The following ITPKB variants were observed in gnomAD, a reference collection of about 807,000 sequenced individuals.
The protein encoded by ITPKB is inositol-trisphosphate 3-kinase B.
ITPKB carries 13 observed loss-of-function variants against 69.4 expected under a neutral mutation model. The ratio of observed to expected loss-of-function variants is 0.19; its 90% CI spans 0.12 to 0.30. The LOEUF (loss-of-function observed/expected upper bound fraction) is 0.30, where lower values mean the gene tolerates loss of function less well. Among genes scored for constraint, ITPKB ranks in the 10% least tolerant of loss-of-function variants. The probability of loss-of-function intolerance (pLI) is 1.00; values close to 1 mark genes in which losing one functional copy is unlikely to be tolerated. For missense variants in ITPKB, 1,240 were observed against 1,250.5 expected (o/e 0.99, Z 0.13); for synonymous variants, 584 against 513.7 (o/e 1.14, Z -1.85).
rs1363843774 is a variant in ITPKB, at chr1:226,634,435, CTG to C, written c.*234_*235del. 1.9e-6 allele frequency: 1 copy of C among 536,246 alleles called. No homozygotes were observed. Among genetic ancestry groups the C allele is most frequent in the African/African-American group, 1.9e-5 (1 of 52,478 alleles). 33.2% of individuals were successfully genotyped at this position (536,246 alleles called of 1,614,324 possible). A position where few individuals can be genotyped will look rare whatever the true frequency, so the allele number is the denominator to read the frequency against. The stretch of plus-strand genomic sequence containing the variant: ...CTCTACACCTGACCCACCTCTAAGA[CTG>C]GGCATTTCTCTTCTAGTAGGTGACC... On this transcript the variant is annotated 3_prime_UTR_variant, in exon 8 of 8. Coordinates refer to ENST00000429204, the MANE Select transcript of ITPKB (RefSeq NM_002221.4). This position sits in a 1 kb window ranked among gnomAD's most constrained non-coding sequence, Gnocchi z 6.3.
At chr1:226,661,015 A>C (rs1482540277) in intron 2 of ITPKB, among the ~76,000 whole-genome samples, 1 of 152,218 alleles carries the variant, frequency 6.6e-6, no homozygotes, top group African/African-American at 2.4e-5. Flanking sequence ...GAGGGTGGAA[A>C]TTTACCAAAG....
chr1:226,663,705 G>C (rs1180049139), intron 2 of ITPKB, among the ~76,000 whole-genome samples: 1 of 152,106 alleles, frequency 6.6e-6, no homozygotes, highest in East Asian at 1.9e-4. Flanking sequence ...TTTTTTGGTA[G>C]AGATGGGGTT....
chr1:226,702,392 C>G (rs943931940), intron 2 of ITPKB, among the ~76,000 whole-genome samples: 5 of 149,332 alleles, frequency 3.3e-5, no homozygotes, highest in African/African-American at 1.3e-4. Flanking sequence ...AGTGAGACTC[C>G]CTCTCGGAAA....
At position 226,736,362 on chromosome 1, in the gene ITPKB, C is replaced by T. The variant is rs1431187066; in HGVS notation, c.1097G>A (p.Gly366Glu). 1 of 1,612,536 alleles carries T rather than the reference C, an allele frequency of 6.2e-7. No homozygotes were observed. ...TTTCCCCATCTTCCCAGGGGGTTCT[C>T]CATCGCGGGGCCCGCCCCTTTCTGG... ...PAPERGGPRD[G>E]EPPGKMGKGY... Residue 366 changes from glycine (G) to glutamate (E), a missense_variant, in exon 2 of 8, where the codon GGA becomes GAA. Physicochemically the swap from Gly to Glu is moderately conservative, Grantham distance 98 (BLOSUM62 -2). Around this residue, in one of 2 missense-constraint regions of ITPKB, gnomAD observed 992 missense variants for 853.8 expected, o/e 1.16. Transcript: ENST00000429204.
In ITPKB at chr1:226,736,890, A is replaced by G. The variant is rs755259174; in HGVS notation, c.569T>C (p.Val190Ala). 1 of 1,610,352 alleles carries G rather than the reference A, an allele frequency of 6.2e-7. No individual in the cohort carries two copies. The highest frequency in any genetic ancestry group is 8.5e-7 in the Non-Finnish European group (1 of 1,179,948). ...FRSSSQPPGR[V>A]LVQGARSEER... is the part of the protein sequence containing the mutation. Reference sequence around the variant, plus strand: ...CTCGCTCCGGGCGCCCTGAACCAGGACCCTTCCAGGGGGCTGACTGCTGCT... The same window carrying G: ...CTCGCTCCGGGCGCCCTGAACCAGGGCCCTTCCAGGGGGCTGACTGCTGCT... Residue 190 changes from valine to alanine, a missense_variant, in exon 2 of 8, where the codon GTC (valine) becomes GCC (alanine). Val to Ala is a moderately conservative substitution (Grantham distance 64). Around this residue, in one of 2 missense-constraint regions of ITPKB, gnomAD observed 992 missense variants for 853.8 expected, o/e 1.16. Transcript: ENST00000429204.
At position 226,738,512 on chromosome 1, in the gene ITPKB, G is replaced by A. The variant is rs1657887728; in HGVS notation, c.-206+529C>T. On this transcript the variant is annotated intron_variant, in intron 1 of 7. Coordinates refer to ENST00000429204, the MANE Select transcript of ITPKB (RefSeq NM_002221.4). This position sits in a 1 kb window ranked among gnomAD's most constrained non-coding sequence, Gnocchi z 4.2. The stretch of plus-strand genomic sequence containing the variant: ...TGTGTATACGCCGCACGCGCGCGGA[G>A]CGAGTCCGCTCTCAGCGCGCCCTGT... Among the ~76,000 whole-genome samples the A allele has an allele frequency of 1.3e-5, 2 of 152,204 alleles. No homozygotes were observed. Among genetic ancestry groups the A allele is most frequent in the South Asian group, 2.1e-4 (1 of 4,836 alleles).
intron 2 of ITPKB, among the ~76,000 whole-genome samples, chr1:226,678,267 T>C (rs912785828): frequency 7.2e-5 from 11 of 152,218 alleles, no homozygotes; most frequent in Middle Eastern, 3.2e-3. Flanking sequence ...ATATGATAAA[T>C]GTGGCCTATG....
rs541675872 is a variant in ITPKB at position 226,735,948 on chromosome 1, C to A, written c.1511G>T (p.Gly504Val). 1.9e-6 allele frequency: 3 copies of A among 1,614,048 alleles called. No individual in the cohort carries two copies. In the South Asian group the frequency reaches 3.3e-5, roughly 18 times the overall value. The change falls in exon 2 of 8, where the codon GGG becomes GTG. Residue 504 changes from glycine to valine, a missense_variant. This residue lies in a region of ITPKB where 992 missense variants were observed against 853.8 expected (regional missense o/e 1.16). Transcript: ENST00000429204. ...GGTGCCCTGCCAAACCCTGGAGTTC[C>A]CAGGCTGCACACCCACCCTGTCCCC... ...PPGDRVGVQP[G>V]NSRVWQGTME... is the part of the protein sequence containing the mutation.
At chr1:226,671,423 C>T (rs1385408331) in intron 2 of ITPKB, among the ~76,000 whole-genome samples, 3 of 152,222 alleles carry the variant, frequency 2.0e-5, no homozygotes, top group Non-Finnish European at 4.4e-5. Flanking sequence ...AATGCTGTTG[C>T]TAATGGATTC....
chr1:226,649,414 T>A (rs1669131178), intron 2 of ITPKB, among the ~76,000 whole-genome samples: 1 of 129,710 alleles, frequency 7.7e-6, no homozygotes, highest in Non-Finnish European at 1.7e-5. Context: ...GCATGTGTGA[T>A]ATGTGCATGA....
intron 2 of ITPKB, among the ~76,000 whole-genome samples, chr1:226,727,326 T>C (rs1165090372): frequency 6.6e-5 from 10 of 152,154 alleles, no homozygotes; most frequent in Non-Finnish European, 1.5e-5. Context: ...ACAAATTGAG[T>C]TGAGCCCGGA....
chr1:226,677,777 C>T (rs1008546805), intron 2 of ITPKB, among the ~76,000 whole-genome samples: 1 of 152,244 alleles, frequency 6.6e-6, no homozygotes, highest in Admixed American at 6.5e-5. Context: ...ATGACTACCA[C>T]TGAAAGAGCA....
rs1397988914 is a variant in ITPKB, at chr1:226,631,893, A to C, written c.*2778T>G. 6.6e-6 allele frequency: 1 copy of C among 152,266 alleles called. No individual in the cohort carries two copies. Among genetic ancestry groups the C allele is most frequent in the East Asian group, 1.9e-4 (1 of 5,172 alleles). The allele number at this position is 152,266 out of a possible 1,614,324, so 9.4% of individuals were successfully genotyped here. A position where few individuals can be genotyped will look rare whatever the true frequency, so the allele number is the denominator to read the frequency against. The stretch of plus-strand genomic sequence containing the variant: ...CCACCCCAGAGCCAGGGGCTGGGTT[A>C]TATACACATGGGGTGGACAGATGCA... On this transcript the variant is annotated 3_prime_UTR_variant, in exon 8 of 8. Coordinates refer to ENST00000429204, the MANE Select transcript of ITPKB (RefSeq NM_002221.4).
intron 2 of ITPKB, among the ~76,000 whole-genome samples, chr1:226,714,433 C>T (rs999067338): frequency 6.6e-6 from 1 of 152,204 alleles, no homozygotes; most frequent in Non-Finnish European, 1.5e-5. Flanking sequence ...CTGACTAACA[C>T]AACACCTTTG....
intron 2 of ITPKB, among the ~76,000 whole-genome samples, chr1:226,692,150 A>G (rs1656372839): frequency 1.3e-5 from 2 of 152,236 alleles, no homozygotes; most frequent in Non-Finnish European, 2.9e-5. Flanking sequence ...AAATTCAGCA[A>G]TATGTCCAAG....
intron 2 of ITPKB, among the ~76,000 whole-genome samples, chr1:226,654,086 G>T (rs185432181): frequency 6.6e-6 from 1 of 152,318 alleles, no homozygotes; most frequent in African/African-American, 2.4e-5. Context: ...GGGTGAGGGA[G>T]GGGTGGTGGT....
At chr1:226,680,662 G>A (rs1470522510) in intron 2 of ITPKB, among the ~76,000 whole-genome samples, 1 of 152,192 alleles carries the variant, frequency 6.6e-6, no homozygotes, top group East Asian at 1.9e-4. Flanking sequence ...TGATGATAGG[G>A]ACTTTTCAGA....
chr1:226,735,581 G>A lies in ITPKB; in HGVS notation c.1878C>T (p.Thr626=), dbSNP rs188607402. 2.5e-6 allele frequency: 4 copies of A among 1,578,462 alleles called. No individual in the cohort carries two copies. The African/African-American group carries it at 4.1e-5, about 16-fold the overall frequency. The change falls in exon 2 of 8, where the codon ACC becomes ACT. Residue 626 remains threonine, a synonymous_variant. Transcript: ENST00000429204. ...GCAGGAAGGCTGAGTTGGGGTCCAG[G>A]GTGCGCTCAGGGTCACTGGAGATGT... ...EEDISSDPER[T]LDPNSAFLHT...
chr1:226,636,752 CTGTGTG>C lies in ITPKB; in HGVS notation c.2625+921_2625+926del, dbSNP rs3831353. ...ATTAGCCAGCCCCAGGACTGCAGCT[CTGTGTG>C]TGTGTGTGTGTGTGTGTGTGTGTGT... is the stretch of plus-strand genomic sequence containing the variant. On this transcript the variant is annotated intron_variant, in intron 7 of 7. Transcript: ENST00000429204. Among the ~76,000 whole-genome samples, 649 of 140,066 alleles carry C rather than the reference CTGTGTG, an allele frequency of 4.6e-3. 1 individual carries two copies. Among genetic ancestry groups the C allele is most frequent in the South Asian group, 0.01 (43 of 4,278 alleles). The allele number at this position is 140,066 out of a possible 152,430, so 91.9% of individuals were successfully genotyped here.
Sources: allele counts gnomAD v4.1 joint callset (sites outside exome capture counted in the v4.1 genomes callset), GRCh38; gene constraint gnomAD v4.1.1; regional missense constraint gnomAD v4.1.1; non-coding constraint Gnocchi (gnomAD v3.1); transcripts MANE v1.5; gene names NCBI Gene and HGNC (gene_info 2026-07-23, HGNC 2026-07-21).